The following SLMAP variants were observed in gnomAD, a reference collection of about 807,000 sequenced individuals.
SLMAP encodes the protein sarcolemmal membrane-associated protein.
A neutral mutation model predicts 128.8 loss-of-function variants in SLMAP; 44 were observed. The ratio of observed to expected loss-of-function variants is 0.34; its 90% CI spans 0.27 to 0.44. The LOEUF (loss-of-function observed/expected upper bound fraction) is 0.44. Ranked by LOEUF, SLMAP falls within the 20% of genes least tolerant of loss-of-function variation. The pLI, the probability that SLMAP is intolerant of heterozygous loss-of-function variation, is 1.00. For missense variants in SLMAP, 787 were observed against 985.3 expected, an observed-to-expected ratio of 0.80 and a Z score of 2.69; for synonymous variants, 327 against 348.8, an observed-to-expected ratio of 0.94 and a Z score of 0.70.
rs543634459 is a variant in SLMAP at position 57,794,241 on chromosome 3, A to G, written c.198+36392A>G. 9.2e-5 allele frequency among the ~76,000 whole-genome samples: 14 copies of G among 152,052 alleles called. No homozygotes were observed. In the East Asian group the frequency reaches 2.7e-3, roughly 29 times the overall value. ...CTTTCCAAAATTCTGTTCGTACGCTATACTCTCCTGGTTCTTAATTTTCTG... is the reference window on the plus strand; with the variant it reads ...CTTTCCAAAATTCTGTTCGTACGCTGTACTCTCCTGGTTCTTAATTTTCTG... On this transcript the variant is annotated intron_variant, in intron 2 of 24. Coordinates refer to ENST00000671191, the MANE Select transcript of SLMAP (RefSeq NM_001377540.1).
At chr3:57,925,747 A>G (rs2096995988) in intron 23 of SLMAP, 98 bp from the exon 24 acceptor site, 1 of 786,102 alleles carries the variant, frequency 1.3e-6, no homozygotes, top group African/African-American at 1.7e-5. Context: ...CTATTATTTC[A>G]TTCTTTCTTC....
At chr3:57,921,350 G>C (rs548821698) in intron 22 of SLMAP, among the ~76,000 whole-genome samples, 16 of 152,142 alleles carry the variant, frequency 1.1e-4, no homozygotes, top group Non-Finnish European at 1.9e-4. Context: ...AAACAGGCGG[G>C]GCACGGTGGC....
intron 2 of SLMAP, among the ~76,000 whole-genome samples, chr3:57,767,317 G>A (rs910955124): frequency 6.6e-6 from 1 of 152,192 alleles, no homozygotes; most frequent in South Asian, 2.1e-4. Context: ...AAGAGAATAG[G>A]CACTACATTC....
intron 9 of SLMAP, 130 bp downstream of exon 9, chr3:57,860,969 G>A: frequency 1.3e-6 from 1 of 749,776 alleles, no homozygotes. Context: ...CAGGTGGGAA[G>A]GAACAGTTAC....
At chr3:57,827,500 A>G (rs930133318) in intron 2 of SLMAP, among the ~76,000 whole-genome samples, 1 of 152,246 alleles carries the variant, frequency 6.6e-6, no homozygotes, top group Non-Finnish European at 1.5e-5. Context: ...ATCACCATCA[A>G]TGCCTGATTG....
At chr3:57,825,162 A>G (rs2092822496) in intron 2 of SLMAP, among the ~76,000 whole-genome samples, 1 of 150,896 alleles carries the variant, frequency 6.6e-6, no homozygotes, top group Non-Finnish European at 1.5e-5. Flanking sequence ...GGGGTTTTCT[A>G]TATATAGGAT....
intron 20 of SLMAP, 82 bp downstream of exon 20, chr3:57,912,783 C>T: frequency 2.9e-6 from 3 of 1,028,158 alleles, no homozygotes; most frequent in Non-Finnish European, 4.1e-6. Context: ...AACATGCAGG[C>T]TTTTTTTTTC....
chr3:57,879,683 C>A (rs959519819), intron 14 of SLMAP, among the ~76,000 whole-genome samples: 1 of 152,144 alleles, frequency 6.6e-6, no homozygotes, highest in African/African-American at 2.4e-5. Context: ...TGGCTCATGC[C>A]TGTAATCCCA....
Position 57,858,134 on chromosome 3 carries a change from G to A in SLMAP, c.662G>A (p.Gly221Glu). Residue 221 changes from glycine (G) to glutamate (E), a missense_variant, in exon 8 of 25, where the codon GGA (glycine) becomes GAA (glutamate). Transcript: ENST00000671191. ...CTCTTATCACGGTTAGAAGTTATGG[G>A]AAACCAATTACAGGCATGCTCCAAA... is the stretch of plus-strand genomic sequence containing the variant. ...DRLLSRLEVM[G>E]NQLQACSKNQ... The A allele has an allele frequency of 6.2e-7, 1 of 1,600,702 alleles. No individual in the cohort carries two copies. The highest frequency in any genetic ancestry group is 1.1e-5 in the South Asian group (1 of 90,780).
chr3:57,891,086 A>G (rs1446738924), intron 15 of SLMAP: 1 of 151,854 alleles, frequency 6.6e-6, no homozygotes, highest in Non-Finnish European at 1.5e-5. Flanking sequence ...ACATATGGCA[A>G]TTTTTTTCAC....
intron 14 of SLMAP, among the ~76,000 whole-genome samples, chr3:57,888,896 T>C (rs2095983192): frequency 1.3e-5 from 2 of 151,502 alleles, no homozygotes; most frequent in Non-Finnish European, 2.9e-5. Flanking sequence ...TTTTTTTTTC[T>C]TTTTTTCTGT....
intron 6 of SLMAP, among the ~76,000 whole-genome samples, chr3:57,857,051 ATGTGTGTG>A (rs146573779): frequency 6.6e-6 from 1 of 151,854 alleles, no homozygotes; most frequent in Admixed American, 6.6e-5. Flanking sequence ...GTGTGTATGT[ATGTGTGTG>A]TGTGTATAAA....
At chr3:57,926,171 GT>G in intron 24 of SLMAP, 1 of 493,482 alleles carries the variant, frequency 2.0e-6, no homozygotes, top group South Asian at 2.8e-5. Flanking sequence ...AACCTAACCA[GT>G]TGTTAATATG....
intron 6 of SLMAP, among the ~76,000 whole-genome samples, chr3:57,851,566 G>A (rs1173050166): frequency 6.6e-6 from 1 of 151,224 alleles, no homozygotes; most frequent in African/African-American, 2.4e-5. Context: ...TCCACCTCCC[G>A]GGTTCAAGCA....
At chr3:57,821,038 T>G (rs1202647896) in intron 2 of SLMAP, among the ~76,000 whole-genome samples, 1 of 152,252 alleles carries the variant, frequency 6.6e-6, no homozygotes, top group Non-Finnish European at 1.5e-5. Context: ...TGTCCTGAAT[T>G]CTCAGTGAAG....
chr3:57,902,886 T>C (rs2096428234), intron 17 of SLMAP, among the ~76,000 whole-genome samples: 1 of 152,194 alleles, frequency 6.6e-6, no homozygotes, highest in Non-Finnish European at 1.5e-5. Context: ...CTCTCTTTCA[T>C]ATTCAAAGCT....
chr3:57,811,636 T>G (rs2090992997), intron 2 of SLMAP, among the ~76,000 whole-genome samples: 1 of 152,166 alleles, frequency 6.6e-6, no homozygotes, highest in Middle Eastern at 3.2e-3. Context: ...TGGTAATTCT[T>G]TTTCAAAATT....
intron 2 of SLMAP, among the ~76,000 whole-genome samples, chr3:57,814,870 C>G (rs1355838912): frequency 1.3e-5 from 2 of 152,012 alleles, no homozygotes; most frequent in African/African-American, 4.8e-5. Flanking sequence ...TGCCTGTAGT[C>G]CCAGCTACTC....
intron 6 of SLMAP, among the ~76,000 whole-genome samples, chr3:57,856,023 A>G (rs1472836069): frequency 6.6e-6 from 1 of 151,872 alleles, no homozygotes; most frequent in African/African-American, 2.4e-5. Context: ...AGCCTGGGCA[A>G]CAGAGAGAGA....
Sources: allele counts gnomAD v4.1 joint callset (sites outside exome capture counted in the v4.1 genomes callset), GRCh38; gene constraint gnomAD v4.1.1; transcripts MANE v1.5; gene names NCBI Gene and HGNC (gene_info 2026-07-23, HGNC 2026-07-21).